SLC2A3: variants seen among roughly 807,000 people sequenced by gnomAD.
SLC2A3 encodes solute carrier family 2, facilitated glucose transporter member 3.
Under a neutral mutation model 46.4 loss-of-function variants are expected in SLC2A3, and 21 were observed. The observed-to-expected ratio is 0.45, with a 90% CI of 0.32 to 0.65. The LOEUF is 0.65. SLC2A3 is among the 30% of genes least tolerant of loss of function. The pLI is 0.04. For synonymous variants in SLC2A3, 213 were observed against 239.4 expected (o/e 0.89, Z 1.02); for missense variants, 499 against 623.3 (o/e 0.80, Z 2.12).
chr12:7,934,277 C>T (rs1387718341), intron 1 of SLC2A3, among the ~76,000 whole-genome samples: 4 of 151,990 alleles, frequency 2.6e-5, no homozygotes, highest in Non-Finnish European at 4.4e-5. Context: ...TAAGAATTGA[C>T]CATTCTGGAA....
At chr12:7,923,196 T>A in intron 8 of SLC2A3, 172 bp from the exon 9 acceptor site, 1 of 687,414 alleles carries the variant, frequency 1.5e-6, no homozygotes, top group Non-Finnish European at 2.4e-6. Context: ...TGAGACAGGG[T>A]CTTACTCTGT....
At chr12:7,923,768 A>ATTTTTTTTT (rs59914158) in intron 8 of SLC2A3, among the ~76,000 whole-genome samples, 18 of 135,662 alleles carry the variant, frequency 1.3e-4, no homozygotes, top group East Asian at 4.5e-4. Context: ...CCAGGATTGG[A>ATTTTTTTTT]TTTTTTTTTT....
chr12:7,923,176 T>C, intron 8 of SLC2A3, 152 bp from the exon 9 acceptor site: 1 of 806,260 alleles, frequency 1.2e-6, no homozygotes, highest in South Asian at 1.9e-5. Flanking sequence ...TTATTTTTAT[T>C]TTTATTTTTT....
intron 3 of SLC2A3, among the ~76,000 whole-genome samples, chr12:7,932,168 C>G (rs1004767854): frequency 2.6e-5 from 4 of 151,332 alleles, no homozygotes; most frequent in African/African-American, 9.7e-5. Flanking sequence ...GCGTGAGCCA[C>G]GGCACCGGCT....
rs775226446 is a variant in SLC2A3, at chr12:7,925,895, G to C, written c.915C>G (p.Ile305Met). 1 of 1,613,834 alleles carries C rather than the reference G, an allele frequency of 6.2e-7. No individual in the cohort carries two copies. Among genetic ancestry groups the C allele is most frequent in the Non-Finnish European group, 8.5e-7 (1 of 1,179,850 alleles). The change falls in exon 7 of 10, where the codon ATC becomes ATG. Residue 305 changes from isoleucine (I) to methionine (M), a missense_variant. Physicochemically the swap from Ile to Met is conservative, Grantham distance 10. Around this residue, in one of 5 missense-constraint regions of SLC2A3, gnomAD observed 65 missense variants for 88.4 expected, o/e 0.74. Transcript: ENST00000075120. ...IFKDAGVQEP[I>M]YATIGAGVVN... ...CCACACCCGCGCCGATGGTGGCATA[G>C]ATGGGCTCTTGAACACCTGCATCCT...
intron 8 of SLC2A3, among the ~76,000 whole-genome samples, chr12:7,923,719 C>T (rs1273049760): frequency 6.6e-6 from 1 of 151,596 alleles, no homozygotes; most frequent in Non-Finnish European, 1.5e-5. Context: ...CTTGGCCTTC[C>T]AAAGTGTTGT....
intron 3 of SLC2A3, among the ~76,000 whole-genome samples, chr12:7,932,376 C>T (rs1372865084): frequency 2.6e-5 from 4 of 152,038 alleles, no homozygotes; most frequent in Admixed American, 6.6e-5. Flanking sequence ...CAGGGTTTTG[C>T]CATGTTGGCC....
chr12:7,924,910 G>A (rs1946078132), intron 7 of SLC2A3, among the ~76,000 whole-genome samples: 1 of 151,926 alleles, frequency 6.6e-6, no homozygotes, highest in Admixed American at 6.6e-5. Context: ...AAGCAGACAG[G>A]CCCAGCTGGG....
rs781258814 is a variant in SLC2A3 at position 7,931,765 on chromosome 12, G to A, written c.270-280C>T. Reference sequence around the variant, plus strand: ...CACTCCAGCCCGGGTGACAGAGCAAGACCCTCTTTCTTGGGGGGTAAAAAA... The same window carrying A: ...CACTCCAGCCCGGGTGACAGAGCAAAACCCTCTTTCTTGGGGGGTAAAAAA... On this transcript the variant is annotated intron_variant, in intron 3 of 9. Transcript: ENST00000075120. Among the ~76,000 whole-genome samples the A allele has an allele frequency of 2.6e-5, 4 of 151,858 alleles. 1 individual carries two copies. The highest frequency in any genetic ancestry group is 5.9e-5 in the Non-Finnish European group (4 of 67,968).
intron 8 of SLC2A3, among the ~76,000 whole-genome samples, chr12:7,923,630 T>G (rs994353768): frequency 2.6e-5 from 4 of 151,992 alleles, no homozygotes; most frequent in African/African-American, 4.8e-5. Context: ...AAAATTTTTT[T>G]TTGTTTTTTT....
chr12:7,933,974 TGGAGCTGTATTA>T (rs1246190791), intron 1 of SLC2A3, 72 bp from the exon 2 acceptor site: 11 of 1,430,900 alleles, frequency 7.7e-6, no homozygotes, highest in Admixed American at 3.6e-5. Flanking sequence ...TTATTAATTA[TGGAGCTGTATTA>T]GGAGAATTTG....
rs758601673 is a variant in SLC2A3 at position 7,931,282 on chromosome 12, T to C, written c.473A>G (p.Asn158Ser). Reference protein sequence around the residue: ...TALRGAFGTLNQLGIVVGILV... With the variant: ...TALRGAFGTLSQLGIVVGILV... ...AATTCCAACAACGATGCCCAGCTGG[T>C]TGAGAGTGCCAAAGGCACCCCGCAG... Residue 158 changes from asparagine (N) to serine (S), a missense_variant, in exon 4 of 10, where the codon AAC becomes AGC. By Grantham distance (46) the Asn-to-Ser change is conservative. This residue lies in a region of SLC2A3 where 248 missense variants were observed against 284.0 expected (regional missense o/e 0.87). Coordinates refer to ENST00000075120, the MANE Select transcript of SLC2A3 (RefSeq NM_006931.3). 6.2e-7 allele frequency: 1 copy of C among 1,614,170 alleles called. No individual in the cohort carries two copies. Among genetic ancestry groups the C allele is most frequent in the East Asian group, 2.2e-5 (1 of 44,884 alleles).
intron 6 of SLC2A3, among the ~76,000 whole-genome samples, chr12:7,928,397 CAA>C (rs749596451): frequency 2.1e-5 from 3 of 143,168 alleles, no homozygotes; most frequent in Non-Finnish European, 3.1e-5. Context: ...GACTCTGTTT[CAA>C]AAAAAAAAAG....
chr12:7,930,140 C>T, intron 5 of SLC2A3: 1 of 620,660 alleles, frequency 1.6e-6, no homozygotes. Context: ...CATGCGCCCC[C>T]ATGCCCGGCT....
intron 6 of SLC2A3, chr12:7,929,391 T>C: frequency 2.5e-6 from 1 of 392,858 alleles, no homozygotes; most frequent in Non-Finnish European, 4.6e-6. Flanking sequence ...CTCGCTATAC[T>C]AGTTGTAAAA....
rs558746683 is a variant in SLC2A3 at position 7,932,570 on chromosome 12, CT to C, written c.269+416del. 707 of 163,348 alleles carry C rather than the reference CT, an allele frequency of 4.3e-3. 3 individuals carry two copies. The highest frequency in any genetic ancestry group is 9.2e-3 in the Middle Eastern group (3 of 326). 10.1% of individuals were successfully genotyped at this position (163,348 alleles called of 1,614,324 possible). A position where few individuals can be genotyped will look rare whatever the true frequency, so the allele number is the denominator to read the frequency against. On this transcript the variant is annotated intron_variant, in intron 3 of 9. Transcript: ENST00000075120. ...ATTGTTAAGCTTCTATAGAATAAGA[CT>C]TTTTTTTTGTCATTATCCACATTTG...
chr12:7,935,962 T>A, intron 1 of SLC2A3, 58 bp downstream of exon 1: 1 of 1,351,524 alleles, frequency 7.4e-7, no homozygotes, highest in Non-Finnish European at 1.1e-6. Context: ...CATTAATATT[T>A]GCCTTTCTGA....
At chr12:7,929,205 T>C (rs1394408715) in intron 6 of SLC2A3, among the ~76,000 whole-genome samples, 3 of 151,998 alleles carry the variant, frequency 2.0e-5, no homozygotes, top group Non-Finnish European at 2.9e-5. Flanking sequence ...GGGACAAGGG[T>C]GCTCTTAATA....
intron 2 of SLC2A3, 120 bp downstream of exon 2, chr12:7,933,690 A>G: frequency 9.9e-7 from 1 of 1,006,406 alleles, no homozygotes; most frequent in Non-Finnish European, 1.5e-6. Context: ...CAGCCTCAGG[A>G]GTAGCTGGGA....
Sources: allele counts gnomAD v4.1 joint callset (sites outside exome capture counted in the v4.1 genomes callset), GRCh38; gene constraint gnomAD v4.1.1; regional missense constraint gnomAD v4.1.1; transcripts MANE v1.5; gene names NCBI Gene and HGNC (gene_info 2026-07-23, HGNC 2026-07-21).